The following REL variants were observed in gnomAD, a reference collection of about 807,000 sequenced individuals.
REL encodes the protein REL proto-oncogene, NF-kB subunit, also known as proto-oncogene c-Rel.
A neutral mutation model predicts 45.9 loss-of-function variants in REL; 15 were observed. That is an observed-to-expected ratio of 0.33 (90% CI 0.22 to 0.50). REL has a LOEUF of 0.50. Among genes scored for constraint, REL ranks in the 20% least tolerant of loss-of-function variants. The probability of loss-of-function intolerance (pLI) is 0.98; values close to 1 mark genes in which losing one functional copy is unlikely to be tolerated. For missense variants in REL, 601 were observed against 715.2 expected (o/e 0.84, Z 1.82); for synonymous variants, 239 against 242.1 (o/e 0.99, Z 0.12).
At chr2:60,893,196 G>A (rs984238499) in intron 2 of REL, among the ~76,000 whole-genome samples, 2 of 152,152 alleles carry the variant, frequency 1.3e-5, no homozygotes, top group African/African-American at 4.8e-5. Flanking sequence ...TTTTTGAAAA[G>A]TGTTACTTTT....
intron 4 of REL, among the ~76,000 whole-genome samples, chr2:60,910,482 CAA>C (rs11311284): frequency 0.22 from 30,247 of 138,214 alleles, 3,354 homozygotes; most frequent in Middle Eastern, 0.38. Flanking sequence ...AAACAAAAAA[CAA>C]AAAAAAAAAA....
At chr2:60,906,681 C>T (rs1673660672) in intron 4 of REL, among the ~76,000 whole-genome samples, 1 of 151,864 alleles carries the variant, frequency 6.6e-6, no homozygotes, top group South Asian at 2.1e-4. Flanking sequence ...TCTTTCTTAC[C>T]TCTGTGCTTT....
At chr2:60,921,077 T>C (rs1038497435) in intron 9 of REL, among the ~76,000 whole-genome samples, 2 of 152,108 alleles carry the variant, frequency 1.3e-5, no homozygotes, top group African/African-American at 4.8e-5. Flanking sequence ...GCCTAAAATA[T>C]TTACAATCTG....
intron 7 of REL, 85 bp from the exon 8 acceptor site, chr2:60,919,956 A>G: frequency 7.2e-6 from 6 of 829,260 alleles, no homozygotes; most frequent in East Asian, 5.3e-5. Flanking sequence ...AACATTTTCT[A>G]TATGTGAATA....
Position 60,883,106 on chromosome 2 carries a change from G to C in REL, c.10+1256G>C, listed in dbSNP as rs143332579. Among the ~76,000 whole-genome samples, 416 of 152,234 alleles carry C rather than the reference G, an allele frequency of 2.7e-3. 5 individuals are homozygous for C. The highest frequency in any genetic ancestry group is 9.6e-3 in the African/African-American group (398 of 41,524). On this transcript the variant is annotated intron_variant, in intron 1 of 9. Transcript: ENST00000394479. ...TTTCCAGACAGAGGAAGCAGCGTGA[G>C]CAAAGGCAGGGAGGGCTAAATGCAT...
rs896925163 is a variant in REL, at chr2:60,889,455, A to AT, written c.11-2219dup. On this transcript the variant is annotated intron_variant, in intron 1 of 9. Coordinates refer to ENST00000394479, the MANE Select transcript of REL (RefSeq NM_001291746.2). ...GAAAGCATCTGAAATAATAGACACCATTTTTTTTTATTTTTTATTTTTTTA... is the reference window on the plus strand; with the variant it reads ...GAAAGCATCTGAAATAATAGACACCATTTTTTTTTTATTTTTTATTTTTTTA... Among the ~76,000 whole-genome samples the AT allele has an allele frequency of 3.4e-3, 510 of 151,346 alleles. 6 individuals carry two copies. Among genetic ancestry groups the AT allele is most frequent in the African/African-American group, 0.012 (487 of 41,252 alleles).
Position 60,931,243 on chromosome 2 carries a change from C to T in REL, c.*8708C>T, listed in dbSNP as rs371791573. On this transcript the variant is annotated 3_prime_UTR_variant, in exon 10 of 10. Coordinates refer to ENST00000394479, the MANE Select transcript of REL (RefSeq NM_001291746.2). The stretch of plus-strand genomic sequence containing the variant: ...GGAAAACACAAAGCTTTTGGGTAAC[C>T]AGCGTTCTTAAATGTATGGTTTTTG... 3 of 152,420 alleles carry T rather than the reference C, an allele frequency of 2.0e-5. No individual in the cohort carries two copies. Among genetic ancestry groups the T allele is most frequent in the African/African-American group, 7.2e-5 (3 of 41,562 alleles). The allele number at this position is 152,420 out of a possible 1,614,324, so 9.4% of individuals were successfully genotyped here. A position where few individuals can be genotyped will look rare whatever the true frequency, so the allele number is the denominator to read the frequency against.
chr2:60,888,581 A>G (rs916002469), intron 1 of REL, among the ~76,000 whole-genome samples: 1 of 152,234 alleles, frequency 6.6e-6, no homozygotes, highest in African/African-American at 2.4e-5. Context: ...TGCATATCTT[A>G]TGTTTTTGAG....
At chr2:60,909,423 A>T (rs1336851282) in intron 4 of REL, among the ~76,000 whole-genome samples, 1 of 151,952 alleles carries the variant, frequency 6.6e-6, no homozygotes, top group Admixed American at 6.6e-5. Flanking sequence ...ACTAAATTTT[A>T]TATTTTTCCT....
chr2:60,893,457 G>T (rs1673270867), intron 2 of REL, among the ~76,000 whole-genome samples: 1 of 152,100 alleles, frequency 6.6e-6, no homozygotes, highest in South Asian at 2.1e-4. Context: ...CCAGTTTTTT[G>T]AGTCATTTTT....
chr2:60,889,612 C>T (rs571367045), intron 1 of REL, among the ~76,000 whole-genome samples: 1 of 152,070 alleles, frequency 6.6e-6, no homozygotes, highest in Non-Finnish European at 1.5e-5. Context: ...TTTCCCTCCC[C>T]CCTTCCCCCA....
intron 8 of REL, 21 bp downstream of exon 8, chr2:60,920,130 T>C: frequency 6.6e-7 from 1 of 1,526,642 alleles, no homozygotes; most frequent in Non-Finnish European, 9.0e-7. Context: ...TTTGGATCGA[T>C]TCATATTTAA....
At chr2:60,895,705 A>C (rs1027790206) in intron 3 of REL, among the ~76,000 whole-genome samples, 1 of 152,230 alleles carries the variant, frequency 6.6e-6, no homozygotes, top group African/African-American at 2.4e-5. Flanking sequence ...ATTTAACTAC[A>C]TGGCAAAAGC....
chr2:60,885,279 T>C (rs1028236310), intron 1 of REL, among the ~76,000 whole-genome samples: 3 of 152,248 alleles, frequency 2.0e-5, no homozygotes, highest in Non-Finnish European at 4.4e-5. Context: ...AAATTGTTTT[T>C]CTGAAATTCA....
At chr2:60,921,325 T>C (rs569795916) in intron 9 of REL, among the ~76,000 whole-genome samples, 1 of 152,302 alleles carries the variant, frequency 6.6e-6, no homozygotes, top group East Asian at 1.9e-4. Flanking sequence ...TTAAAAGTTA[T>C]GTGTATTTTC....
chr2:60,909,641 G>A (rs1409166359), intron 4 of REL, among the ~76,000 whole-genome samples: 3 of 152,042 alleles, frequency 2.0e-5, no homozygotes, highest in Non-Finnish European at 4.4e-5. Context: ...AGTGGCTCAC[G>A]CCTGTAATCC....
intron 1 of REL, among the ~76,000 whole-genome samples, chr2:60,882,707 G>T (rs1672975697): frequency 6.6e-6 from 1 of 151,990 alleles, no homozygotes; most frequent in Non-Finnish European, 1.5e-5. Context: ...AGTTTTTACT[G>T]TGAGATAAAG....
chr2:60,886,734 A>G lies in REL; in HGVS notation c.10+4884A>G, dbSNP rs1201623992. On this transcript the variant is annotated intron_variant, in intron 1 of 9. Coordinates refer to ENST00000394479, the MANE Select transcript of REL (RefSeq NM_001291746.2). Reference sequence around the variant, plus strand: ...ATTTCCGATAATTTATGATCCATTTAAACATTTCAATGTAATTTTTTTATT... The same window carrying G: ...ATTTCCGATAATTTATGATCCATTTGAACATTTCAATGTAATTTTTTTATT... Among the ~76,000 whole-genome samples the G allele has an allele frequency of 2.6e-5, 4 of 152,170 alleles. No homozygotes were observed. The East Asian group carries it at 7.7e-4, about 29-fold the overall frequency.
At chr2:60,891,184 G>T (rs139748323) in intron 1 of REL, among the ~76,000 whole-genome samples, 12 of 152,152 alleles carry the variant, frequency 7.9e-5, no homozygotes, top group African/African-American at 2.4e-4. Context: ...CTTCTGCAAG[G>T]ATTTAAATGC....
Sources: allele counts gnomAD v4.1 joint callset (sites outside exome capture counted in the v4.1 genomes callset), GRCh38; gene constraint gnomAD v4.1.1; transcripts MANE v1.5; gene names NCBI Gene and HGNC (gene_info 2026-07-23, HGNC 2026-07-21).